Variants in LRPPRC observed in about 807,000 individuals in gnomAD.
LRPPRC encodes the protein leucine rich pentatricopeptide repeat containing, also known as leucine-rich PPR motif-containing protein, mitochondrial.
A neutral mutation model predicts 180.3 loss-of-function variants in LRPPRC; 120 were observed. That is an observed-to-expected ratio of 0.67 (90% CI 0.57 to 0.77). The LOEUF (loss-of-function observed/expected upper bound fraction) is 0.77. Among genes scored for constraint, LRPPRC ranks in the 30% least tolerant of loss-of-function variants. The pLI, the probability that LRPPRC is intolerant of heterozygous loss-of-function variation, is 0.00. For synonymous variants in LRPPRC, 723 were observed against 600.0 expected (o/e 1.21, Z -3.00); for missense variants, 2,012 against 1,657.2 (o/e 1.21, Z -3.72).
chr2:43,979,425 G>A (rs1434721271), intron 3 of LRPPRC, among the ~76,000 whole-genome samples: 1 of 152,078 alleles, frequency 6.6e-6, no homozygotes, highest in Non-Finnish European at 1.5e-5. Context: ...ATCCCCTAGA[G>A]AAGAATATTT....
At chr2:43,962,760 T>A (rs1016132184) in intron 12 of LRPPRC, among the ~76,000 whole-genome samples, 1 of 152,134 alleles carries the variant, frequency 6.6e-6, no homozygotes, top group African/African-American at 2.4e-5. Context: ...CTAGTATATA[T>A]ACTATTAGTG....
At position 43,934,820 on chromosome 2, in the gene LRPPRC, A is replaced by G. The variant is rs749500498; in HGVS notation, c.2563T>C (p.Leu855=). The G allele has an allele frequency of 2.0e-5, 32 of 1,611,828 alleles. No individual in the cohort carries two copies. The highest frequency in any genetic ancestry group is 2.6e-5 in the Non-Finnish European group (31 of 1,178,110). Residue 855 remains leucine, a synonymous_variant, in exon 24 of 38, where the codon TTA becomes CTA. Coordinates refer to ENST00000260665, the MANE Select transcript of LRPPRC (RefSeq NM_133259.4). Reference sequence around the variant, plus strand: ...CACAAGACATCATGAATCCTTGGTAATACTTTATACTTTTCATAGCAGTCA... The same window carrying G: ...CACAAGACATCATGAATCCTTGGTAGTACTTTATACTTTTCATAGCAGTCA... ...AIDCYEKYKV[L]PRIHDVLCKL... is the part of the protein sequence containing the mutation.
At chr2:43,912,321 G>T in intron 30 of LRPPRC, 111 bp downstream of exon 30, 1 of 933,708 alleles carries the variant, frequency 1.1e-6, no homozygotes, top group Non-Finnish European at 1.7e-6. Context: ...ATGGGTAGCT[G>T]AGGCCAATCA....
At chr2:43,984,446 G>C (rs1484180465) in intron 1 of LRPPRC, among the ~76,000 whole-genome samples, 1 of 152,134 alleles carries the variant, frequency 6.6e-6, no homozygotes, top group South Asian at 2.1e-4. Flanking sequence ...GAATATTCTA[G>C]GCAAATTTTT....
intron 1 of LRPPRC, 25 bp downstream of exon 1, chr2:43,995,774 C>G: frequency 7.4e-7 from 1 of 1,350,450 alleles, no homozygotes. Context: ...CGCAGCTTGC[C>G]TGGAGAAAGG....
chr2:43,916,911 C>G (rs530514527), intron 29 of LRPPRC, among the ~76,000 whole-genome samples: 21 of 138,318 alleles, frequency 1.5e-4, no homozygotes, highest in Admixed American at 5.4e-4. Flanking sequence ...CGCCACTGCA[C>G]TCCAGTCTGG....
intron 30 of LRPPRC, among the ~76,000 whole-genome samples, chr2:43,906,339 T>G (rs1671066402): frequency 1.3e-5 from 2 of 152,238 alleles, no homozygotes; most frequent in African/African-American, 4.8e-5. Context: ...ATTGGTACTT[T>G]AAAATTAAAA....
chr2:43,995,620 G>A (rs1335565322), intron 1 of LRPPRC, among the ~76,000 whole-genome samples, 179 bp downstream of exon 1: 2 of 152,246 alleles, frequency 1.3e-5, no homozygotes, highest in African/African-American at 4.8e-5. Flanking sequence ...TTCTGAAGGC[G>A]CTTAACCCTG....
At chr2:43,950,805 C>A (rs1672870673) in intron 14 of LRPPRC, among the ~76,000 whole-genome samples, 1 of 152,198 alleles carries the variant, frequency 6.6e-6, no homozygotes. Context: ...CCTGGTGGCT[C>A]ACATCTGCAA....
chr2:43,889,771 T>A lies in LRPPRC; in HGVS notation c.4091A>T (p.Lys1364Met). 1 of 1,613,414 alleles carries A rather than the reference T, an allele frequency of 6.2e-7. No individual in the cohort carries two copies. The highest frequency in any genetic ancestry group is 8.5e-7 in the Non-Finnish European group (1 of 1,179,314). ...GAAAGGGACAGGCTCTCCAGCATAC[T>A]TCAGCAAAGATGCGTAACGCTTTAG... ...LFLKRYASLL[K>M]YAGEPVPFIE... Residue 1364 changes from lysine to methionine, a missense_variant, in exon 37 of 38, where the codon AAG (lysine) becomes ATG (methionine). By Grantham distance (95) the Lys-to-Met change is moderately conservative (BLOSUM62 -1). Coordinates refer to ENST00000260665, the MANE Select transcript of LRPPRC (RefSeq NM_133259.4).
intron 34 of LRPPRC, among the ~76,000 whole-genome samples, chr2:43,897,405 GT>G (rs2104985092): frequency 6.6e-6 from 1 of 152,222 alleles, no homozygotes; most frequent in East Asian, 1.9e-4. Flanking sequence ...ATTCTTTTAA[GT>G]TTCTAAAAGA....
chr2:43,970,404 T>C (rs997222514), intron 11 of LRPPRC, among the ~76,000 whole-genome samples: 13 of 152,126 alleles, frequency 8.5e-5, no homozygotes, highest in African/African-American at 3.1e-4. Flanking sequence ...TATAGTCAGA[T>C]GGGGGGATAG....
intron 5 of LRPPRC, among the ~76,000 whole-genome samples, 197 bp from the exon 6 acceptor site, chr2:43,976,426 C>G (rs1674058607): frequency 6.6e-6 from 1 of 152,102 alleles, no homozygotes; most frequent in Admixed American, 6.5e-5. Flanking sequence ...TATCAACAGT[C>G]TTGAAGTACT....
At position 43,905,769 on chromosome 2, in the gene LRPPRC, TG is replaced by T. The variant is rs797044605; in HGVS notation, c.3286del (p.His1096ThrfsTer7). The T allele has an allele frequency of 1.1e-5, 17 of 1,610,004 alleles. No homozygotes were observed. Among genetic ancestry groups the T allele is most frequent in the Non-Finnish European group, 1.4e-5 (16 of 1,176,246 alleles). ...ATCGTTCAGTGTGAAGCCCTTGATGTGGGTCTCCGCGCTAAAAGAAGCAGAC... is the reference window on the plus strand; with the variant it reads ...ATCGTTCAGTGTGAAGCCCTTGATGTGGTCTCCGCGCTAAAAGAAGCAGAC... The part of the protein sequence containing the change: ...AMEVKAFAET[H>X]IKGFTLNDAA... On this transcript the variant is annotated frameshift_variant, in exon 31 of 38. Transcript: ENST00000260665. LOFTEE classifies it high-confidence loss of function.
At chr2:43,939,069 G>A (rs982110048) in intron 23 of LRPPRC, among the ~76,000 whole-genome samples, 15 of 149,572 alleles carry the variant, frequency 1.0e-4, no homozygotes, top group Non-Finnish European at 1.6e-4. Context: ...TCAGGAGATC[G>A]AGACCATCCT....
intron 8 of LRPPRC, 141 bp downstream of exon 8, chr2:43,974,473 T>A: frequency 2.5e-6 from 2 of 804,194 alleles, no homozygotes. Flanking sequence ...TAACTCATGT[T>A]TTTGGGCTTA....
chr2:43,973,578 T>C (rs1272834014), intron 11 of LRPPRC, 29 bp downstream of exon 11: 9 of 1,443,848 alleles, frequency 6.2e-6, no homozygotes, highest in South Asian at 1.1e-5. Flanking sequence ...CTGGGAACCA[T>C]TACAAATCGG....
At position 43,995,924 on chromosome 2, in the gene LRPPRC, C is replaced by T. The variant is rs1235320500; in HGVS notation, c.24G>A (p.Ala8=). 6.6e-7 allele frequency: 1 copy of T among 1,519,756 alleles called. No individual in the cohort carries two copies. Among genetic ancestry groups the T allele is most frequent in the Non-Finnish European group, 8.8e-7 (1 of 1,140,972 alleles). 94.1% of individuals were successfully genotyped at this position (1,519,756 alleles called of 1,614,324 possible). MAALLRS[A]RWLLRAGAAP... ...CCGCCCCGGCACGCAGCAACCAACG[C>T]GCGGATCTCAGCAGGGCTGCCATTG... is the stretch of plus-strand genomic sequence containing the variant. Residue 8 remains alanine (A), a synonymous_variant, in exon 1 of 38, where the codon GCG becomes GCA. Transcript: ENST00000260665.
rs561619592 is a variant in LRPPRC at position 43,965,490 on chromosome 2, G to A, written c.1370-1784C>T. Among the ~76,000 whole-genome samples the A allele has an allele frequency of 4.6e-5, 7 of 152,222 alleles. No individual in the cohort carries two copies. The East Asian group carries it at 1.2e-3, about 25-fold the overall frequency. Reference sequence around the variant, plus strand: ...TTTTTGGACTTGAGACCAAAGCACAGACAATAAAAACAAACAGTGAAGTGG... The same window carrying A: ...TTTTTGGACTTGAGACCAAAGCACAAACAATAAAAACAAACAGTGAAGTGG... On this transcript the variant is annotated intron_variant, in intron 11 of 37. Transcript: ENST00000260665.
Sources: allele counts gnomAD v4.1 joint callset (sites outside exome capture counted in the v4.1 genomes callset), GRCh38; gene constraint gnomAD v4.1.1; transcripts MANE v1.5; gene names NCBI Gene and HGNC (gene_info 2026-07-23, HGNC 2026-07-21).